Variants in CAPRIN2 observed in about 807,000 individuals in gnomAD.
CAPRIN2 encodes caprin family member 2.
In CAPRIN2, 66 loss-of-function variants were observed where a neutral mutation model predicts 130.4. The ratio of observed to expected loss-of-function variants is 0.51; its 90% confidence interval spans 0.42 to 0.62. CAPRIN2 has a LOEUF of 0.62. Among genes scored for constraint, CAPRIN2 ranks in the 20% least tolerant of loss-of-function variants. The pLI is 0.00. For synonymous variants in CAPRIN2, 471 were observed against 444.1 expected (o/e 1.06, Z -0.76); for missense variants, 1,185 against 1,246.6 (o/e 0.95, Z 0.74).
chr12:30,737,300 T>C (rs12830910), intron 3 of CAPRIN2, among the ~76,000 whole-genome samples: 29,403 of 152,156 alleles, frequency 0.19, 3,425 homozygotes, highest in East Asian at 0.3. Flanking sequence ...GGCTATTTTT[T>C]ATTTATCTGC....
At chr12:30,729,933 G>GC (rs2062066652) in intron 7 of CAPRIN2, among the ~76,000 whole-genome samples, 1 of 152,180 alleles carries the variant, frequency 6.6e-6, no homozygotes, top group African/African-American at 2.4e-5. Flanking sequence ...TAACACAGGA[G>GC]CCAAAAATAG....
rs1461922014 is a variant in CAPRIN2, at chr12:30,710,739, CTT to C, written c.2666-271_2666-270del. ...ATGTGGCCCCCAAAAGGCCAGATAA[CTT>C]AGCAAAGTCTAAAACTCAGGTCTGA... On this transcript the variant is annotated intron_variant, in intron 16 of 16. Coordinates refer to ENST00000298892, the Ensembl canonical transcript of CAPRIN2. This position sits in a 1 kb window ranked among gnomAD's most constrained non-coding sequence, Gnocchi z 4.8. Among the ~76,000 whole-genome samples the C allele has an allele frequency of 6.6e-6, 1 of 152,112 alleles. No individual in the cohort carries two copies. Among genetic ancestry groups the C allele is most frequent in the Admixed American group, 6.5e-5 (1 of 15,268 alleles).
intron 8 of CAPRIN2, chr12:30,728,316 A>C: frequency 5.0e-6 from 1 of 198,984 alleles, no homozygotes; most frequent in Non-Finnish European, 1.0e-5. Context: ...GCACTTTGGG[A>C]GGCCGAGGCG....
rs1263682912 is a variant in CAPRIN2, at chr12:30,728,737, T to A, written c.1693A>T (p.Ile565Phe). 2.5e-6 allele frequency: 4 copies of A among 1,614,034 alleles called. No individual in the cohort carries two copies. The Admixed American group carries it at 6.7e-5, about 27-fold the overall frequency. Reference sequence around the variant, plus strand: ...GCTACTCCCCAGGACTTTGGAGAAATCTGTGACTGTGATGTTAAAGAGTGT... The same window carrying A: ...GCTACTCCCCAGGACTTTGGAGAAAACTGTGACTGTGATGTTAAAGAGTGT... The change falls in exon 8 of 17, where the codon ATT becomes TTT. Residue 565 changes from isoleucine (I) to phenylalanine (F), a missense_variant. This residue lies in a region of CAPRIN2 where 1,104 missense variants were observed against 1,104.3 expected (regional missense o/e 1.00). Transcript: ENST00000298892.
At position 30,723,249 on chromosome 12, in the gene CAPRIN2, G is replaced by A. The variant is rs757076548; in HGVS notation, c.2043+10C>T. On this transcript the variant is annotated intron_variant, in intron 11 of 16. Coordinates refer to ENST00000298892, the Ensembl canonical transcript of CAPRIN2. ...GCAGCAAAGAATAAAAGATTAATTT[G>A]GAAAGTTACCTGTAACGGCTCTTGA... 51 of 1,594,696 alleles carry A rather than the reference G, an allele frequency of 3.2e-5. No individual in the cohort carries two copies. The highest frequency in any genetic ancestry group is 6.9e-6 in the Non-Finnish European group (8 of 1,163,166).
chr12:30,753,866 T>C (rs1475755238), exon 1 of CAPRIN2: 1 of 1,186,358 alleles, frequency 8.4e-7, no homozygotes, highest in Non-Finnish European at 1.2e-6. Flanking sequence ...ATTTTCCACA[T>C]AGGGAGGAAG....
chr12:30,748,788 T>A (rs2072067624), intron 2 of CAPRIN2, among the ~76,000 whole-genome samples: 1 of 152,174 alleles, frequency 6.6e-6, no homozygotes, highest in South Asian at 2.1e-4. Context: ...GACCTAACAT[T>A]CATTTTATAC....
At chr12:30,731,215 G>A (rs777539708) in intron 6 of CAPRIN2, 128 bp downstream of exon 7, 24 of 606,088 alleles carry the variant, frequency 4.0e-5, no homozygotes, top group Non-Finnish European at 6.7e-5. Flanking sequence ...TTATCCTGTG[G>A]TAAGTAAAGA....
intron 3 of CAPRIN2, among the ~76,000 whole-genome samples, chr12:30,736,503 G>C (rs1321481265): frequency 1.3e-5 from 2 of 151,968 alleles, no homozygotes; most frequent in Admixed American, 6.6e-5. Context: ...AATCCTAACA[G>C]ATTAAAATTA....
Position 30,728,698 on chromosome 12 carries a change from T to A in CAPRIN2, c.1732A>T (p.Ile578Leu), listed in dbSNP as rs768292581. The change falls in exon 8 of 17, where the codon ATA becomes TTA. Residue 578 changes from isoleucine to leucine, a missense_variant. By Grantham distance (5) the Ile-to-Leu change is conservative (BLOSUM62 2). Coordinates refer to ENST00000298892, the Ensembl canonical transcript of CAPRIN2. ...CTGGGCAGCAGCTGGTCATTTGGTATGAGGCTTGCTGTAGCTACTCCCCAG... is the reference window on the plus strand; with the variant it reads ...CTGGGCAGCAGCTGGTCATTTGGTAAGAGGCTTGCTGTAGCTACTCCCCAG... 4 of 1,613,800 alleles carry A rather than the reference T, an allele frequency of 2.5e-6. No individual in the cohort carries two copies. The Admixed American group carries it at 5.0e-5, about 20-fold the overall frequency.
At chr12:30,714,975 G>A (rs2056951089) in exon 14 of CAPRIN2, 7 of 1,613,376 alleles carry the variant, frequency 4.3e-6, no homozygotes, top group Admixed American at 1.7e-5. Flanking sequence ...AACCACCAGG[G>A]GACCGATAGG....
At chr12:30,709,769 A>T (rs2053698637) in exon 17 of CAPRIN2, 1 of 1,029,092 alleles carries the variant, frequency 9.7e-7, no homozygotes, top group Non-Finnish European at 1.4e-6. Flanking sequence ...AGGAAAACAA[A>T]AAAGTAAGGA....
At chr12:30,718,747 G>A (rs2058450667) in intron 12 of CAPRIN2, among the ~76,000 whole-genome samples, 1 of 152,208 alleles carries the variant, frequency 6.6e-6, no homozygotes, top group Non-Finnish European at 1.5e-5. Context: ...AAAGATATTA[G>A]TAATGGTTAG....
intron 9 of CAPRIN2, among the ~76,000 whole-genome samples, chr12:30,725,562 T>A (rs2060653849): frequency 6.6e-6 from 1 of 152,130 alleles, no homozygotes; most frequent in African/African-American, 2.4e-5. Context: ...AAATTTACAA[T>A]CTTCTACAAC....
exon 4 of CAPRIN2, chr12:30,735,122 G>C: frequency 1.2e-6 from 2 of 1,614,146 alleles, no homozygotes; most frequent in Non-Finnish European, 1.7e-6. Flanking sequence ...TACTGAACTT[G>C]AAGTATAGTT....
rs1242140249 is a variant in CAPRIN2, at chr12:30,734,884, ACACTCT to A, written c.809+78_809+83del. 4,573 of 511,330 alleles carry A rather than the reference ACACTCT, an allele frequency of 8.9e-3. 42 individuals are homozygous for A. The highest frequency in any genetic ancestry group is 0.012 in the Non-Finnish European group (3,495 of 284,398). 31.7% of individuals were successfully genotyped at this position (511,330 alleles called of 1,614,324 possible). A position where few individuals can be genotyped will look rare whatever the true frequency, so the allele number is the denominator to read the frequency against. ...CACACACACACACACACACACACAC[ACACTCT>A]CTCTCTCACATACACACACCCCTAA... On this transcript the variant is annotated intron_variant, in intron 4 of 16. Transcript: ENST00000298892.
intron 1 of CAPRIN2, chr12:30,751,336 G>T: frequency 1.8e-6 from 1 of 557,834 alleles, no homozygotes; most frequent in South Asian, 2.1e-5. Context: ...ACATGAGTCT[G>T]GAATTACAAA....
At chr12:30,713,690 C>T (rs914672623) in intron 15 of CAPRIN2, 95 bp downstream of exon 17, 3 of 727,242 alleles carry the variant, frequency 4.1e-6, no homozygotes, top group Middle Eastern at 2.5e-4. Context: ...AGTGCACTTT[C>T]AGAAAACAAA....
At chr12:30,712,619 G>A (rs532979439) in intron 15 of CAPRIN2, among the ~76,000 whole-genome samples, 3 of 151,978 alleles carry the variant, frequency 2.0e-5, no homozygotes, top group East Asian at 1.9e-4. Flanking sequence ...AAAACTAACA[G>A]ATGAGGAATT....
Sources: gnomAD v4.1 joint callset for allele counts (sites outside exome capture counted in the v4.1 genomes callset) on GRCh38, gnomAD v4.1.1 for gene constraint, gnomAD v4.1.1 regional missense constraint, Gnocchi (gnomAD v3.1) non-coding constraint, MANE v1.5 for transcripts, NCBI Gene and HGNC (gene_info 2026-07-23, HGNC 2026-07-21) for gene names.